CAMTA1: variants seen among roughly 807,000 people sequenced by gnomAD.
CAMTA1 encodes calmodulin-binding transcription activator 1.
A neutral mutation model predicts 170.9 loss-of-function variants in CAMTA1; 27 were observed. The ratio of observed to expected loss-of-function variants is 0.16; its 90% CI spans 0.12 to 0.22. The LOEUF (loss-of-function observed/expected upper bound fraction) is 0.22, where lower values mean the gene tolerates loss of function less well. CAMTA1 is among the 10% of genes least tolerant of loss of function. The pLI, the probability that CAMTA1 is intolerant of heterozygous loss-of-function variation, is 1.00. For synonymous variants in CAMTA1, 833 were observed against 891.5 expected, an observed-to-expected ratio of 0.93 and a Z score of 1.17; for missense variants, 1,619 against 2,217.2, an observed-to-expected ratio of 0.73 and a Z score of 5.42.
At position 6,787,883 on chromosome 1, in the gene CAMTA1, G is replaced by A. The variant is rs552415768; in HGVS notation, c.45+2308G>A. Among the ~76,000 whole-genome samples, 5 of 152,316 alleles carry A rather than the reference G, an allele frequency of 3.3e-5. No individual in the cohort carries two copies. In the East Asian group the frequency reaches 9.6e-4, roughly 29 times the overall value. ...TTTCTTTACTGCAGTGTAGGGGAAA[G>A]AGATTTCGTGTGTTTGGACAAACGA... On this transcript the variant is annotated intron_variant, in intron 1 of 22. Coordinates refer to ENST00000303635, the MANE Select transcript of CAMTA1 (RefSeq NM_015215.4).
chr1:7,516,787 G>T (rs2094292828), intron 6 of CAMTA1, among the ~76,000 whole-genome samples: 1 of 152,206 alleles, frequency 6.6e-6, no homozygotes. Context: ...GGGAAGAAAT[G>T]TTGCATATTT....
At chr1:7,137,116 C>T (rs759851642) in intron 4 of CAMTA1, among the ~76,000 whole-genome samples, 1 of 152,172 alleles carries the variant, frequency 6.6e-6, no homozygotes, top group Non-Finnish European at 1.5e-5. Context: ...CAACTCTAAC[C>T]TGCCCCGGTG....
chr1:7,249,677 C>T lies in CAMTA1; in HGVS notation c.438+51C>T, dbSNP rs1666332279. The T allele has an allele frequency of 1.3e-6, 2 of 1,596,424 alleles. No homozygotes were observed. Among genetic ancestry groups the T allele is most frequent in the African/African-American group, 1.3e-5 (1 of 74,422 alleles). On this transcript the variant is annotated intron_variant, in intron 5 of 22. Transcript: ENST00000303635. The surrounding 1 kb of genome is among the most constrained non-coding windows in gnomAD (Gnocchi z 4.4). ...GTGCACAAATGTCATTTGCAGGCTGCAGTGGAGAATGGAATTGCTTGGAGT... is the reference window on the plus strand; with the variant it reads ...GTGCACAAATGTCATTTGCAGGCTGTAGTGGAGAATGGAATTGCTTGGAGT...
chr1:7,759,438 C>A (rs776910257), intron 22 of CAMTA1, among the ~76,000 whole-genome samples: 13 of 152,146 alleles, frequency 8.5e-5, no homozygotes, highest in African/African-American at 2.7e-4. Context: ...TTCCTTCAGG[C>A]CTACCTCTTA....
At chr1:7,554,688 C>A (rs1405699288) in intron 6 of CAMTA1, among the ~76,000 whole-genome samples, 1 of 152,180 alleles carries the variant, frequency 6.6e-6, no homozygotes, top group Non-Finnish European at 1.5e-5. Flanking sequence ...CCCTCCCACC[C>A]TCTCCTTAGC....
chr1:7,463,404 C>T lies in CAMTA1; in HGVS notation c.439-4426C>T, dbSNP rs11807711. Among the ~76,000 whole-genome samples, 21,014 of 147,338 alleles carry T rather than the reference C, an allele frequency of 0.14. 1,819 individuals carry two copies. Among genetic ancestry groups the T allele is most frequent in the African/African-American group, 0.25 (9,944 of 39,512 alleles). ...GGAGAGACAGAGACAGATACAGAAA[C>T]GGAGAGAGAAATAAAGACAGACGGG... On this transcript the variant is annotated intron_variant, in intron 5 of 22. Coordinates refer to ENST00000303635, the MANE Select transcript of CAMTA1 (RefSeq NM_015215.4). The surrounding 1 kb of genome is among the most constrained non-coding windows in gnomAD (Gnocchi z 4.7).
At chr1:7,270,294 T>G (rs867922179) in intron 5 of CAMTA1, among the ~76,000 whole-genome samples, 1 of 111,654 alleles carries the variant, frequency 9.0e-6, no homozygotes. Flanking sequence ...TATATATATT[T>G]TTTTTTTTTT....
At chr1:6,825,009 C>G (rs1353215524) in intron 2 of CAMTA1, 83 bp from the exon 3 acceptor site, 1 of 737,914 alleles carries the variant, frequency 1.4e-6, no homozygotes, top group Non-Finnish European at 2.2e-6. Flanking sequence ...CTAAACTGAG[C>G]TGCTATTTCT....
In CAMTA1 at chr1:7,766,494, A is replaced by G. The variant is rs2097025896; in HGVS notation, c.*3A>G. ...TTGAAAAAGGCCAAGGAACTTGAAG[A>G]CATACAGCAGCATCCCTTAGCAATG... On this transcript the variant is annotated 3_prime_UTR_variant, in exon 23 of 23. Coordinates refer to ENST00000303635, the MANE Select transcript of CAMTA1 (RefSeq NM_015215.4). 1.2e-6 allele frequency: 2 copies of G among 1,613,850 alleles called. No individual in the cohort carries two copies. Among genetic ancestry groups the G allele is most frequent in the African/African-American group, 2.7e-5 (2 of 74,914 alleles).
intron 5 of CAMTA1, among the ~76,000 whole-genome samples, chr1:7,353,404 T>C (rs2084835740): frequency 7.0e-6 from 1 of 143,714 alleles, no homozygotes; most frequent in African/African-American, 2.5e-5. Flanking sequence ...CAACCAAATC[T>C]GAACTCTTTT....
chr1:7,473,603 T>G (rs1197024280), intron 6 of CAMTA1, among the ~76,000 whole-genome samples: 1 of 152,208 alleles, frequency 6.6e-6, no homozygotes, highest in Admixed American at 6.5e-5. Context: ...AGTCCTCCCT[T>G]CATGCTGCAG....
At chr1:7,327,403 T>A (rs2082750083) in intron 5 of CAMTA1, among the ~76,000 whole-genome samples, 1 of 74,642 alleles carries the variant, frequency 1.3e-5, no homozygotes, top group African/African-American at 6.7e-5. Flanking sequence ...TGAGACTCCA[T>A]CTCAAAAAAA....
chr1:7,373,822 G>C (rs1168578948), intron 5 of CAMTA1, among the ~76,000 whole-genome samples: 1 of 152,134 alleles, frequency 6.6e-6, no homozygotes, highest in Non-Finnish European at 1.5e-5. Flanking sequence ...TTCATTATTT[G>C]CACTGTTGAT....
rs915103713 is a variant in CAMTA1 at position 7,570,394 on chromosome 1, A to C, written c.511-70006A>C. Among the ~76,000 whole-genome samples the C allele has an allele frequency of 1.3e-5, 2 of 152,156 alleles. No individual in the cohort carries two copies. Among genetic ancestry groups the C allele is most frequent in the African/African-American group, 4.8e-5 (2 of 41,452 alleles). ...CTTATTGCTTAAGCTGGAAGGGTGG[A>C]GGGAGGAAGCACGGGGAGGAGGAAG... On this transcript the variant is annotated intron_variant, in intron 6 of 22. Coordinates refer to ENST00000303635, the MANE Select transcript of CAMTA1 (RefSeq NM_015215.4). This position sits in a 1 kb window ranked among gnomAD's most constrained non-coding sequence, Gnocchi z 4.3.
chr1:7,540,219 G>T (rs1220035942), intron 6 of CAMTA1, among the ~76,000 whole-genome samples: 1 of 151,934 alleles, frequency 6.6e-6, no homozygotes, highest in Non-Finnish European at 1.5e-5. Context: ...TTAATTAAAT[G>T]CATGAATGAA....
chr1:7,294,685 A>G (rs1473566982), intron 5 of CAMTA1, among the ~76,000 whole-genome samples: 1 of 152,178 alleles, frequency 6.6e-6, no homozygotes, highest in African/African-American at 2.4e-5. Context: ...ACGAATGGGC[A>G]TTGTGATTTT....
chr1:7,637,223 G>C (rs1220920035), intron 6 of CAMTA1, among the ~76,000 whole-genome samples: 1 of 152,240 alleles, frequency 6.6e-6, no homozygotes, highest in Non-Finnish European at 1.5e-5. Context: ...GGCCCAGGCT[G>C]TGCCCAGCAC....
chr1:7,376,947 A>G (rs1175853513), intron 5 of CAMTA1, among the ~76,000 whole-genome samples: 2 of 152,212 alleles, frequency 1.3e-5, no homozygotes, highest in African/African-American at 4.8e-5. Flanking sequence ...AGACCGGATC[A>G]CAGATTCGGA....
chr1:7,100,756 G>C (rs1256357376), intron 4 of CAMTA1, among the ~76,000 whole-genome samples: 2 of 152,198 alleles, frequency 1.3e-5, no homozygotes, highest in Non-Finnish European at 2.9e-5. Context: ...ACAGGGGCGT[G>C]GTGTGGCCTC....
Sources: allele counts gnomAD v4.1 joint callset (sites outside exome capture counted in the v4.1 genomes callset), GRCh38; gene constraint gnomAD v4.1.1; non-coding constraint Gnocchi (gnomAD v3.1); transcripts MANE v1.5; gene names NCBI Gene and HGNC (gene_info 2026-07-23, HGNC 2026-07-21).